Variants in DGKB observed in about 807,000 individuals in gnomAD.
DGKB encodes the protein 90 kDa diacylglycerol kinase.
In DGKB, 67 loss-of-function variants were observed where a neutral mutation model predicts 114.3. That is an observed-to-expected ratio of 0.59 (90% CI 0.48 to 0.72). DGKB has a LOEUF of 0.72. DGKB is among the 30% of genes least tolerant of loss of function. The probability of loss-of-function intolerance (pLI) is 0.00; values close to 1 mark genes in which losing one functional copy is unlikely to be tolerated. For missense variants in DGKB, 907 were observed against 975.2 expected (o/e 0.93, Z 0.93); for synonymous variants, 398 against 323.1 (o/e 1.23, Z -2.49).
rs371902826 is a variant in DGKB at position 14,377,727 on chromosome 7, A to G, written c.1836-32336T>C. Among the ~76,000 whole-genome samples the G allele has an allele frequency of 7.2e-5, 11 of 152,248 alleles. 1 individual carries two copies. In the East Asian group the frequency reaches 1.2e-3, roughly 16 times the overall value. ...CAATGAAATACCCTGACTGATCCCC[A>G]TTGCTCACCATGTAGCTTACTTTGG... is the stretch of plus-strand genomic sequence containing the variant. On this transcript the variant is annotated intron_variant, in intron 21 of 25. Transcript: ENST00000402815.
chr7:14,320,210 C>T (rs759438348), intron 23 of DGKB, among the ~76,000 whole-genome samples: 4 of 152,244 alleles, frequency 2.6e-5, no homozygotes, highest in East Asian at 1.9e-4. Flanking sequence ...CAGCTTTCCT[C>T]GCTCTCTGGC....
intron 1 of DGKB, among the ~76,000 whole-genome samples, chr7:14,974,439 T>C (rs1408216464): frequency 6.6e-6 from 1 of 152,190 alleles, no homozygotes; most frequent in Non-Finnish European, 1.5e-5. Flanking sequence ...AAATTAAAAA[T>C]TATGCAATAT....
At chr7:14,615,084 C>G (rs1806273359) in intron 15 of DGKB, among the ~76,000 whole-genome samples, 1 of 152,010 alleles carries the variant, frequency 6.6e-6, no homozygotes, top group South Asian at 2.1e-4. Flanking sequence ...CAAATTGAAA[C>G]TCCTAACGTT....
chr7:14,881,037 A>G (rs189643198), intron 1 of DGKB, among the ~76,000 whole-genome samples: 39 of 152,330 alleles, frequency 2.6e-4, no homozygotes, highest in Admixed American at 2.1e-3. Context: ...TTGAATTTTA[A>G]TAAGTTATGA....
chr7:14,619,825 C>G (rs17603236), intron 15 of DGKB, among the ~76,000 whole-genome samples: 41,290 of 151,344 alleles, frequency 0.27, 6,504 homozygotes, highest in East Asian at 0.68. Context: ...GAGAATTAAA[C>G]AAGCTAATAT....
chr7:14,373,502 G>C (rs554449384), intron 21 of DGKB, among the ~76,000 whole-genome samples: 1 of 152,170 alleles, frequency 6.6e-6, no homozygotes, highest in Admixed American at 6.5e-5. Flanking sequence ...AATAAAATCT[G>C]AGTTCAGTAA....
At chr7:14,969,925 C>T (rs573800734) in intron 1 of DGKB, among the ~76,000 whole-genome samples, 1 of 152,246 alleles carries the variant, frequency 6.6e-6, no homozygotes, top group South Asian at 2.1e-4. Context: ...CACATTATGA[C>T]ATTATGAAGT....
At position 14,304,087 on chromosome 7, in the gene DGKB, A is replaced by ACACACACACACTCTCTCT. The variant is rs140836395; in HGVS notation, c.2122+34427_2122+34428insAGAGAGAGTGTGTGTGTG. On this transcript the variant is annotated intron_variant, in intron 23 of 25. Coordinates refer to ENST00000402815, the MANE Select transcript of DGKB (RefSeq NM_001350709.2). ...CACACACACACACACACACACACACACTCTCTCTCTCTCACCCCTACCTCA... is the reference window on the plus strand; with the variant it reads ...CACACACACACACACACACACACACACACACACACACTCTCTCTCTCTCTCTCTCTCACCCCTACCTCA... Among the ~76,000 whole-genome samples, 586 of 110,076 alleles carry ACACACACACACTCTCTCT rather than the reference A, an allele frequency of 5.3e-3. 3 individuals carry two copies. The highest frequency in any genetic ancestry group is 0.021 in the East Asian group (76 of 3,594). The allele number at this position is 110,076 out of a possible 152,430, so 72.2% of individuals were successfully genotyped here. A position where few individuals can be genotyped will look rare whatever the true frequency, so the allele number is the denominator to read the frequency against.
intron 1 of DGKB, among the ~76,000 whole-genome samples, chr7:14,910,545 A>G (rs1481311607): frequency 6.6e-6 from 1 of 152,174 alleles, no homozygotes; most frequent in Non-Finnish European, 1.5e-5. Context: ...TTAATCTAAG[A>G]TATATGATCA....
chr7:14,713,384 CTT>C (rs1440422735), intron 6 of DGKB, among the ~76,000 whole-genome samples: 1 of 151,672 alleles, frequency 6.6e-6, no homozygotes, highest in Non-Finnish European at 1.5e-5. Context: ...TTTTTCCACT[CTT>C]GTATATTTTG....
intron 4 of DGKB, 45 bp downstream of exon 4, chr7:14,753,883 T>A (rs1432844897): frequency 8.5e-7 from 1 of 1,182,536 alleles, no homozygotes; most frequent in Non-Finnish European, 1.2e-6. Context: ...CATATCAGAA[T>A]AAAGAAAGAA....
intron 1 of DGKB, among the ~76,000 whole-genome samples, chr7:14,885,663 C>T (rs1430789696): frequency 2.0e-5 from 3 of 151,774 alleles, no homozygotes; most frequent in South Asian, 2.1e-4. Context: ...ATAGGACTTG[C>T]GTCAATTGAT....
At chr7:14,421,364 A>G (rs1050991772) in intron 21 of DGKB, among the ~76,000 whole-genome samples, 1 of 152,134 alleles carries the variant, frequency 6.6e-6, no homozygotes, top group Non-Finnish European at 1.5e-5. Flanking sequence ...GTAACACTTT[A>G]CAAACATATA....
chr7:14,592,802 ACTCT>A (rs1259758759), intron 17 of DGKB, among the ~76,000 whole-genome samples: 1 of 151,402 alleles, frequency 6.6e-6, no homozygotes, highest in African/African-American at 2.4e-5. Context: ...ATTTAATGTG[ACTCT>A]CTCAACATTT....
At chr7:14,732,924 G>C (rs1262413631) in intron 5 of DGKB, among the ~76,000 whole-genome samples, 2 of 152,088 alleles carry the variant, frequency 1.3e-5, no homozygotes, top group Admixed American at 6.5e-5. Flanking sequence ...ATGTGATACA[G>C]TTATTTAGAC....
At chr7:14,365,092 TG>T (rs759646008) in intron 21 of DGKB, among the ~76,000 whole-genome samples, 3 of 151,734 alleles carry the variant, frequency 2.0e-5, no homozygotes, top group Non-Finnish European at 2.9e-5. Flanking sequence ...GTCAACATCT[TG>T]GGGGTAGGGG....
chr7:14,489,148 T>C (rs1328212072), intron 20 of DGKB, among the ~76,000 whole-genome samples: 1 of 152,182 alleles, frequency 6.6e-6, no homozygotes, highest in Non-Finnish European at 1.5e-5. Context: ...TATTGAATAA[T>C]GTAGGGTTCC....
At chr7:14,262,074 AG>A (rs1372420262) in intron 23 of DGKB, among the ~76,000 whole-genome samples, 1 of 152,210 alleles carries the variant, frequency 6.6e-6, no homozygotes, top group Non-Finnish European at 1.5e-5. Flanking sequence ...GTCTTAGGTT[AG>A]GAGAAAGTAT....
intron 10 of DGKB, among the ~76,000 whole-genome samples, chr7:14,683,663 T>C (rs777671730): frequency 4.6e-5 from 7 of 151,926 alleles, no homozygotes; most frequent in Middle Eastern, 6.8e-3. Flanking sequence ...AAACAGTACT[T>C]AAAAATAAAC....
Sources: gnomAD v4.1 joint callset for allele counts (sites outside exome capture counted in the v4.1 genomes callset) on GRCh38, gnomAD v4.1.1 for gene constraint, MANE v1.5 for transcripts, NCBI Gene and HGNC (gene_info 2026-07-23, HGNC 2026-07-21) for gene names.